Variants in SUGCT observed in about 807,000 individuals in gnomAD.
SUGCT encodes succinyl-CoA:glutarate CoA-transferase.
SUGCT carries 41 observed loss-of-function variants against 55.0 expected under a neutral mutation model. That is an observed-to-expected ratio of 0.74 (90% CI 0.58 to 0.97). SUGCT has a LOEUF of 0.97. Among genes scored for constraint, SUGCT ranks in the 50% least tolerant of loss-of-function variants. The pLI, the probability that SUGCT is intolerant of heterozygous loss-of-function variation, is 0.00. For missense variants in SUGCT, 568 were observed against 547.8 expected (o/e 1.04, Z -0.37); for synonymous variants, 187 against 200.4 (o/e 0.93, Z 0.56).
the SUGCT span, among the ~76,000 whole-genome samples, chr7:40,911,024 G>A: frequency 1.3e-5 from 2 of 152,008 alleles, no homozygotes; most frequent in Non-Finnish European, 1.5e-5. Context: ...AAATAAATCT[G>A]GGCTTTATTA....
At chr7:40,468,389 T>G (rs1313989969) in intron 11 of SUGCT, among the ~76,000 whole-genome samples, 1 of 152,152 alleles carries the variant, frequency 6.6e-6, no homozygotes, top group Admixed American at 6.5e-5. Context: ...TTCCTTGGCC[T>G]TTCCCCCTTT....
chr7:40,318,542 T>C lies in SUGCT; in HGVS notation c.816+1687T>C, dbSNP rs146566488. Among the ~76,000 whole-genome samples the C allele has an allele frequency of 3.6e-3, 541 of 152,336 alleles. 3 individuals are homozygous for C. Among genetic ancestry groups the C allele is most frequent in the Non-Finnish European group, 5.1e-3 (348 of 68,030 alleles). On this transcript the variant is annotated intron_variant, in intron 9 of 13. Coordinates refer to ENST00000335693, the MANE Select transcript of SUGCT (RefSeq NM_001193313.2). The stretch of plus-strand genomic sequence containing the variant: ...ACCTCCACCTCCCAGGTTCAAGCGG[T>C]TCTTCTGCCTCCACCTCCTGAGTAG...
At chr7:40,539,971 C>A (rs1352496637) in intron 12 of SUGCT, among the ~76,000 whole-genome samples, 1 of 152,132 alleles carries the variant, frequency 6.6e-6, no homozygotes. Context: ...ATAACATTAT[C>A]CCTATATACT....
intron 11 of SUGCT, among the ~76,000 whole-genome samples, chr7:40,467,691 T>C (rs144063926): frequency 1.3e-3 from 193 of 152,274 alleles, no homozygotes; most frequent in Middle Eastern, 6.8e-3. Flanking sequence ...CAAACTGTAA[T>C]TCTTATAAGA....
chr7:40,940,803 C>T, the SUGCT span, among the ~76,000 whole-genome samples: 1 of 151,752 alleles, frequency 6.6e-6, no homozygotes, highest in Non-Finnish European at 1.5e-5. Flanking sequence ...GTTTTCTGGA[C>T]AATCTTTAGA....
chr7:40,833,856 T>G (rs1447252965), intron 13 of SUGCT, among the ~76,000 whole-genome samples: 1 of 152,230 alleles, frequency 6.6e-6, no homozygotes, highest in Non-Finnish European at 1.5e-5. Context: ...TGACGGACTG[T>G]GGTAAATACC....
At chr7:40,398,878 A>T (rs140463159) in intron 9 of SUGCT, among the ~76,000 whole-genome samples, 1 of 152,300 alleles carries the variant, frequency 6.6e-6, no homozygotes, top group Non-Finnish European at 1.5e-5. Flanking sequence ...AAGTGATTGT[A>T]TTGAGCCTTC....
chr7:40,989,803 T>G, the SUGCT span, among the ~76,000 whole-genome samples: 1 of 151,948 alleles, frequency 6.6e-6, no homozygotes, highest in Non-Finnish European at 1.5e-5. Flanking sequence ...AAGAAGCAAC[T>G]CCTCATTCGC....
At chr7:40,155,688 A>G (rs1783853722) in intron 1 of SUGCT, among the ~76,000 whole-genome samples, 1 of 152,146 alleles carries the variant, frequency 6.6e-6, no homozygotes, top group Non-Finnish European at 1.5e-5. Context: ...CCCATAAATA[A>G]TTGGTTATTA....
intron 6 of SUGCT, among the ~76,000 whole-genome samples, chr7:40,216,723 A>G (rs1787677635): frequency 6.6e-6 from 1 of 151,800 alleles, no homozygotes; most frequent in Non-Finnish European, 1.5e-5. Context: ...GTGATGGTGC[A>G]TGCCTGTAAT....
At chr7:40,765,840 T>C (rs1788757967) in intron 13 of SUGCT, among the ~76,000 whole-genome samples, 1 of 152,222 alleles carries the variant, frequency 6.6e-6, no homozygotes, top group African/African-American at 2.4e-5. Context: ...TTCTCTCAGA[T>C]GCAGGGAAAC....
chr7:40,254,547 C>A (rs569422959), intron 7 of SUGCT, among the ~76,000 whole-genome samples: 1 of 151,846 alleles, frequency 6.6e-6, no homozygotes, highest in East Asian at 1.9e-4. Context: ...ACAGGTACCA[C>A]CACACCCAGC....
intron 13 of SUGCT, among the ~76,000 whole-genome samples, chr7:40,765,187 G>A (rs188186378): frequency 6.6e-6 from 1 of 151,996 alleles, no homozygotes; most frequent in African/African-American, 2.4e-5. Flanking sequence ...TAAATCTTTA[G>A]TTGTGAAATT....
intron 12 of SUGCT, among the ~76,000 whole-genome samples, chr7:40,547,715 T>C (rs1795068955): frequency 6.6e-6 from 1 of 152,194 alleles, no homozygotes; most frequent in Non-Finnish European, 1.5e-5. Flanking sequence ...TCTTTATAGC[T>C]TTTTAAAATT....
chr7:40,825,966 AT>A (rs1792290764), intron 13 of SUGCT, among the ~76,000 whole-genome samples: 1 of 152,222 alleles, frequency 6.6e-6, no homozygotes, highest in Non-Finnish European at 1.5e-5. Context: ...TAGTAAAGCT[AT>A]TTTATTTTTC....
rs377327738 is a variant in SUGCT at position 40,588,792 on chromosome 7, A to T, written c.1089+92406A>T. Among the ~76,000 whole-genome samples the T allele has an allele frequency of 2.2e-4, 34 of 152,294 alleles. No homozygotes were observed. The South Asian group carries it at 6.0e-3, about 27-fold the overall frequency. ...AATGAATTTCATCTACTATTGTGGA[A>T]TTTGAGGTAATGAATCTGAAAACAG... On this transcript the variant is annotated intron_variant, in intron 12 of 13. Coordinates refer to ENST00000335693, the MANE Select transcript of SUGCT (RefSeq NM_001193313.2).
At chr7:40,507,799 C>T (rs1194024706) in intron 12 of SUGCT, among the ~76,000 whole-genome samples, 1 of 152,194 alleles carries the variant, frequency 6.6e-6, no homozygotes, top group Admixed American at 6.5e-5. Flanking sequence ...GCTTTGATTA[C>T]CCCTTCTTGG....
the SUGCT span, among the ~76,000 whole-genome samples, chr7:40,943,741 C>T: frequency 4.6e-5 from 7 of 151,944 alleles, no homozygotes; most frequent in Non-Finnish European, 7.4e-5. Flanking sequence ...AATAAACATA[C>T]GTGTTCACGT....
At chr7:40,932,130 T>A in the SUGCT span, among the ~76,000 whole-genome samples, 5 of 152,236 alleles carry the variant, frequency 3.3e-5, no homozygotes, top group Non-Finnish European at 5.9e-5. Context: ...TGTGTCTTTG[T>A]TCTCACTGGT....
Sources: gnomAD v4.1 joint callset for allele counts (sites outside exome capture counted in the v4.1 genomes callset) on GRCh38, gnomAD v4.1.1 for gene constraint, MANE v1.5 for transcripts, NCBI Gene and HGNC (gene_info 2026-07-23, HGNC 2026-07-21) for gene names.